The following KATNIP variants were observed in gnomAD, a reference collection of about 807,000 sequenced individuals.
The protein encoded by KATNIP is katanin interacting protein.
KATNIP carries 126 observed loss-of-function variants against 174.0 expected under a neutral mutation model. The ratio of observed to expected loss-of-function variants is 0.72; its 90% CI spans 0.63 to 0.84. KATNIP has a LOEUF of 0.84. Among genes scored for constraint, KATNIP ranks in the 40% least tolerant of loss-of-function variants. KATNIP has a pLI of 0.00. For missense variants in KATNIP, 1,958 were observed against 2,109.7 expected (o/e 0.93, Z 1.41); for synonymous variants, 810 against 835.7 (o/e 0.97, Z 0.53).
At chr16:27,570,586 A>G (rs944921903) in intron 1 of KATNIP, among the ~76,000 whole-genome samples, 1 of 152,214 alleles carries the variant, frequency 6.6e-6, no homozygotes, top group Non-Finnish European at 1.5e-5. Flanking sequence ...AAATACATAC[A>G]TAAATAAAAA....
chr16:27,577,163 A>T (rs1027054936), intron 2 of KATNIP, among the ~76,000 whole-genome samples: 14 of 152,238 alleles, frequency 9.2e-5, no homozygotes, highest in Non-Finnish European at 2.1e-4. Flanking sequence ...TGGATTTTTT[A>T]AAATGTTTAA....
chr16:27,766,163 T>C, intron 19 of KATNIP, 146 bp from the exon 20 acceptor site: 1 of 695,084 alleles, frequency 1.4e-6, no homozygotes, highest in Non-Finnish European at 2.3e-6. Flanking sequence ...TTCTCAGCAG[T>C]CACACCTCCC....
At chr16:27,633,374 T>C (rs1350453374) in intron 5 of KATNIP, among the ~76,000 whole-genome samples, 1 of 151,202 alleles carries the variant, frequency 6.6e-6, no homozygotes, top group Non-Finnish European at 1.5e-5. Flanking sequence ...TAATTTTTTC[T>C]CTTTAAAATT....
chr16:27,673,013 C>T (rs1359831083), intron 6 of KATNIP, among the ~76,000 whole-genome samples: 3 of 152,182 alleles, frequency 2.0e-5, no homozygotes, highest in African/African-American at 7.2e-5. Context: ...ACGTAATCCA[C>T]AGTGACTGGG....
chr16:27,724,018 GGTT>G, intron 14 of KATNIP, among the ~76,000 whole-genome samples: 1 of 152,316 alleles, frequency 6.6e-6, no homozygotes, highest in Middle Eastern at 3.4e-3. Context: ...TGATCGTTGA[GGTT>G]GTTTGTTTGC....
chr16:27,598,720 G>C (rs564083388), intron 2 of KATNIP, among the ~76,000 whole-genome samples: 2 of 152,206 alleles, frequency 1.3e-5, no homozygotes, highest in South Asian at 4.1e-4. Flanking sequence ...AAGGAGGAAC[G>C]ATGTGCTATC....
chr16:27,761,133 C>T (rs372800319), intron 18 of KATNIP, among the ~76,000 whole-genome samples: 2 of 152,154 alleles, frequency 1.3e-5, no homozygotes, highest in Admixed American at 6.5e-5. Flanking sequence ...TGTTCAGTGT[C>T]GGGTGGGACA....
intron 7 of KATNIP, among the ~76,000 whole-genome samples, chr16:27,680,460 G>C (rs771430097): frequency 5.3e-5 from 8 of 152,216 alleles, no homozygotes; most frequent in Non-Finnish European, 8.8e-5. Context: ...TGCCAGCACA[G>C]TTCGAGTGAT....
At position 27,740,306 on chromosome 16, in the gene KATNIP, A is replaced by G. The variant is rs775640148; in HGVS notation, c.2009A>G (p.Lys670Arg). ...SPPAETLADA[K>R]LSSQGNVSGK... is the part of the protein sequence containing the mutation. ...CCAGCTGAAACATTAGCGGATGCAA[A>G]GCTTTCTTCACAAGGAAATGTGTCT... Residue 670 changes from lysine to arginine, a missense_variant, in exon 15 of 28, where the codon AAG becomes AGG. Lys to Arg is a conservative substitution (Grantham distance 26, BLOSUM62 2). This residue lies in a region of KATNIP where 1,557 missense variants were observed against 1,617.8 expected (regional missense o/e 0.96). Coordinates refer to ENST00000261588, the MANE Select transcript of KATNIP (RefSeq NM_015202.5). 1 of 1,614,250 alleles carries G rather than the reference A, an allele frequency of 6.2e-7. No homozygotes were observed. The highest frequency in any genetic ancestry group is 1.1e-5 in the South Asian group (1 of 91,090).
At chr16:27,740,978 A>C in intron 15 of KATNIP, 58 bp downstream of exon 15, 1 of 1,418,512 alleles carries the variant, frequency 7.0e-7, no homozygotes, top group Non-Finnish European at 9.2e-7. Flanking sequence ...TCTAATTGGC[A>C]TGAAGCCAGT....
chr16:27,749,562 C>A (rs372055033), intron 15 of KATNIP, 22 bp from the exon 16 acceptor site: 13 of 1,520,150 alleles, frequency 8.6e-6, no homozygotes, highest in Admixed American at 4.4e-5. Context: ...GGGCTTCCCC[C>A]CTCTTGTGTC....
In KATNIP at chr16:27,681,492, C is replaced by T. The variant is rs777062998; in HGVS notation, c.902C>T (p.Ala301Val). 20 of 1,614,124 alleles carry T rather than the reference C, an allele frequency of 1.2e-5. No homozygotes were observed. In the South Asian group the frequency reaches 1.9e-4, roughly 15 times the overall value. The change falls in exon 8 of 28, where the codon GCT (alanine) becomes GTT (valine). Residue 301 changes from alanine to valine, a missense_variant. Coordinates refer to ENST00000261588, the MANE Select transcript of KATNIP (RefSeq NM_015202.5). ...CCTGAGCCAAACCTGACTCCCCAAG[C>T]TCCTGCTGTATTCCCAGACCAGGAG... ...TKPEPNLTPQ[A>V]PAVFPDQERM...
chr16:27,748,956 C>T, intron 15 of KATNIP, among the ~76,000 whole-genome samples: 1 of 152,086 alleles, frequency 6.6e-6, no homozygotes, highest in Non-Finnish European at 1.5e-5. Context: ...TTTAAAGCTG[C>T]GTATCTGGCT....
chr16:27,702,329 T>C (rs2079133273), intron 11 of KATNIP, among the ~76,000 whole-genome samples: 1 of 152,176 alleles, frequency 6.6e-6, no homozygotes, highest in African/African-American at 2.4e-5. Context: ...GAAGCTCCTT[T>C]TCTCTATTAA....
chr16:27,613,633 T>C (rs557520935), intron 2 of KATNIP, among the ~76,000 whole-genome samples: 1 of 152,304 alleles, frequency 6.6e-6, no homozygotes, highest in Admixed American at 6.5e-5. Flanking sequence ...CCTTGTGTCT[T>C]AAATGGGGTA....
intron 5 of KATNIP, among the ~76,000 whole-genome samples, chr16:27,636,701 C>T (rs1284626281): frequency 6.7e-6 from 1 of 150,158 alleles, no homozygotes; most frequent in Non-Finnish European, 1.5e-5. Context: ...CTGTGTGTCT[C>T]GGAGCTGGCT....
chr16:27,620,215 A>T (rs1022622655), intron 3 of KATNIP, among the ~76,000 whole-genome samples: 2 of 152,244 alleles, frequency 1.3e-5, no homozygotes, highest in African/African-American at 4.8e-5. Flanking sequence ...TGTCACCAAG[A>T]TGGAGCTGTC....
chr16:27,629,657 C>T (rs145280129), intron 4 of KATNIP, among the ~76,000 whole-genome samples: 137 of 152,298 alleles, frequency 9.0e-4, no homozygotes, highest in Middle Eastern at 3.4e-3. Flanking sequence ...CAGCAGAGCA[C>T]GTGGAGTCAG....
chr16:27,750,134 C>G lies in KATNIP; in HGVS notation c.3174C>G (p.His1058Gln). 1 of 1,614,186 alleles carries G rather than the reference C, an allele frequency of 6.2e-7. No homozygotes were observed. Among genetic ancestry groups the G allele is most frequent in the Non-Finnish European group, 8.5e-7 (1 of 1,180,044 alleles). Residue 1058 changes from histidine (H) to glutamine (Q), a missense_variant, in exon 16 of 28, where the codon CAC (histidine) becomes CAG (glutamine). Physicochemically the swap from His to Gln is conservative, Grantham distance 24 (BLOSUM62 0). Transcript: ENST00000261588. ...WLAPFTRGRS[H>Q]SITIDFTHPC... is the part of the protein sequence containing the mutation. The stretch of plus-strand genomic sequence containing the variant: ...CCCCCTTCACGCGGGGCAGATCCCA[C>G]TCCATCACCATTGACTTCACGCACC...
Sources: gnomAD v4.1 joint callset for allele counts (sites outside exome capture counted in the v4.1 genomes callset) on GRCh38, gnomAD v4.1.1 for gene constraint, gnomAD v4.1.1 regional missense constraint, MANE v1.5 for transcripts, NCBI Gene and HGNC (gene_info 2026-07-23, HGNC 2026-07-21) for gene names.